CADM2: variants seen among roughly 807,000 people sequenced by gnomAD.
CADM2 encodes the protein cell adhesion molecule 2.
CADM2 carries 12 observed loss-of-function variants against 49.8 expected under a neutral mutation model. The ratio of observed to expected loss-of-function variants is 0.24; its 90% CI spans 0.15 to 0.39. The LOEUF (loss-of-function observed/expected upper bound fraction) is 0.39, where lower values mean the gene tolerates loss of function less well. Among genes scored for constraint, CADM2 ranks in the 10% least tolerant of loss-of-function variants. CADM2 has a pLI of 1.00. For synonymous variants in CADM2, 214 were observed against 175.4 expected, an observed-to-expected ratio of 1.22 and a Z score of -1.74; for missense variants, 378 against 492.3, an observed-to-expected ratio of 0.77 and a Z score of 2.20.
intron 1 of CADM2, among the ~76,000 whole-genome samples, chr3:84,992,742 G>A (rs554076704): frequency 6.6e-6 from 1 of 152,110 alleles, no homozygotes; most frequent in Non-Finnish European, 1.5e-5. Flanking sequence ...CTACTAACTA[G>A]TAAGAGCATC....
chr3:85,467,683 A>G (rs185209725), intron 1 of CADM2, among the ~76,000 whole-genome samples: 1 of 152,322 alleles, frequency 6.6e-6, no homozygotes, highest in East Asian at 1.9e-4. Context: ...TTGTGAGCTA[A>G]AATAGTGTTT....
chr3:85,802,219 G>A (rs2108077370), intron 3 of CADM2, 23 bp downstream of exon 3: 5 of 1,581,276 alleles, frequency 3.2e-6, no homozygotes, highest in East Asian at 2.3e-5. Context: ...TCTTTCAAAT[G>A]TTTTAATCGT....
At chr3:85,656,883 A>G (rs7624423) in intron 1 of CADM2, among the ~76,000 whole-genome samples, 107,368 of 151,970 alleles carry the variant, frequency 0.71, 38,006 homozygotes, top group East Asian at 0.8. Flanking sequence ...TGAGCACATA[A>G]GAATTAGAGA....
chr3:85,024,449 A>G (rs1485994902), intron 1 of CADM2, among the ~76,000 whole-genome samples: 1 of 152,112 alleles, frequency 6.6e-6, no homozygotes, highest in Non-Finnish European at 1.5e-5. Context: ...CCTATGTTGT[A>G]TATGTTATAA....
intron 3 of CADM2, among the ~76,000 whole-genome samples, chr3:85,826,431 G>T (rs1022174874): frequency 6.6e-6 from 1 of 151,932 alleles, no homozygotes; most frequent in African/African-American, 2.4e-5. Context: ...TTATTTTCCT[G>T]GTAGTAGGGT....
chr3:85,868,495 G>A (rs2075803341), intron 3 of CADM2, among the ~76,000 whole-genome samples: 1 of 151,988 alleles, frequency 6.6e-6, no homozygotes, highest in South Asian at 2.1e-4. Context: ...AATTTCTTAG[G>A]TAAATAGGTA....
At chr3:85,990,168 A>G (rs1179498554) in intron 8 of CADM2, among the ~76,000 whole-genome samples, 4 of 151,988 alleles carry the variant, frequency 2.6e-5, no homozygotes, top group Non-Finnish European at 4.4e-5. Flanking sequence ...TGCCTTCACG[A>G]TGGCACAAAA....
intron 1 of CADM2, among the ~76,000 whole-genome samples, chr3:85,368,058 T>G (rs2032928309): frequency 6.6e-6 from 1 of 152,068 alleles, no homozygotes. Context: ...ACACAAAAAT[T>G]AATTTTGGTA....
At chr3:85,719,692 AT>A (rs2067427906) in intron 1 of CADM2, among the ~76,000 whole-genome samples, 1 of 151,612 alleles carries the variant, frequency 6.6e-6, no homozygotes, top group African/African-American at 2.4e-5. Flanking sequence ...TATCTCAGGG[AT>A]GGCAGAGGCA....
At chr3:85,973,807 T>G (rs557699117) in intron 8 of CADM2, among the ~76,000 whole-genome samples, 1 of 151,832 alleles carries the variant, frequency 6.6e-6, no homozygotes, top group South Asian at 2.1e-4. Context: ...GAAGCATTAT[T>G]GGTCATGGGG....
intron 1 of CADM2, among the ~76,000 whole-genome samples, chr3:85,705,959 G>T (rs1014549076): frequency 1.3e-5 from 2 of 152,096 alleles, no homozygotes; most frequent in Non-Finnish European, 2.9e-5. Context: ...AAATGTGTCT[G>T]TGAAATAGGT....
At chr3:85,849,693 T>C (rs2075019616) in intron 3 of CADM2, among the ~76,000 whole-genome samples, 1 of 152,226 alleles carries the variant, frequency 6.6e-6, no homozygotes, top group Non-Finnish European at 1.5e-5. Flanking sequence ...CACCAGAATT[T>C]CCAAGGTAGG....
intron 1 of CADM2, among the ~76,000 whole-genome samples, chr3:85,444,709 A>G (rs1175689156): frequency 1.3e-5 from 2 of 152,112 alleles, no homozygotes; most frequent in Non-Finnish European, 2.9e-5. Context: ...CTTGTTTTCT[A>G]TATTATATGA....
At chr3:85,223,218 A>G (rs1260629142) in intron 1 of CADM2, among the ~76,000 whole-genome samples, 3 of 152,192 alleles carry the variant, frequency 2.0e-5, no homozygotes, top group Admixed American at 1.3e-4. Flanking sequence ...ATCAAGTTCA[A>G]TGAGAATACC....
intron 1 of CADM2, among the ~76,000 whole-genome samples, chr3:85,679,310 GA>G (rs1318476737): frequency 5.3e-5 from 8 of 152,034 alleles, no homozygotes; most frequent in Non-Finnish European, 8.8e-5. Context: ...TCTAGAGGGG[GA>G]AAAAACATCA....
At chr3:85,761,598 A>G (rs1406457364) in intron 2 of CADM2, among the ~76,000 whole-genome samples, 1 of 151,836 alleles carries the variant, frequency 6.6e-6, no homozygotes, top group South Asian at 2.1e-4. Context: ...GATGGTCTCA[A>G]TCTCTTGACC....
At chr3:85,354,964 A>G (rs113936913) in intron 1 of CADM2, among the ~76,000 whole-genome samples, 1 of 152,254 alleles carries the variant, frequency 6.6e-6, no homozygotes, top group African/African-American at 2.4e-5. Flanking sequence ...ACGGAAACCC[A>G]TGTCCAAAAA....
chr3:85,361,530 T>C (rs1337098614), intron 1 of CADM2, among the ~76,000 whole-genome samples: 1 of 152,184 alleles, frequency 6.6e-6, no homozygotes, highest in Non-Finnish European at 1.5e-5. Flanking sequence ...AGGATAACAC[T>C]GGAAGCTTGA....
intron 1 of CADM2, among the ~76,000 whole-genome samples, chr3:85,530,698 A>T (rs901203608): frequency 6.6e-6 from 1 of 152,090 alleles, no homozygotes; most frequent in Non-Finnish European, 1.5e-5. Context: ...ATTAATACAG[A>T]TAGGGACCAT....
Sources: allele counts gnomAD v4.1 joint callset (sites outside exome capture counted in the v4.1 genomes callset), GRCh38; gene constraint gnomAD v4.1.1; transcripts MANE v1.5; gene names NCBI Gene and HGNC (gene_info 2026-07-23, HGNC 2026-07-21).